The following PPFIA2 variants were observed in gnomAD, a reference collection of about 807,000 sequenced individuals.
PPFIA2 encodes liprin-alpha-2.
PPFIA2 carries 46 observed loss-of-function variants against 175.5 expected under a neutral mutation model. The observed-to-expected ratio is 0.26, with a 90% CI of 0.21 to 0.34. The LOEUF is 0.34. Ranked by LOEUF, PPFIA2 falls within the 10% of genes least tolerant of loss-of-function variation. The pLI, the probability that PPFIA2 is intolerant of heterozygous loss-of-function variation, is 1.00. For missense variants in PPFIA2, 1,179 were observed against 1,506.1 expected (o/e 0.78, Z 3.60); for synonymous variants, 568 against 511.4 (o/e 1.11, Z -1.49).
intron 4 of PPFIA2, among the ~76,000 whole-genome samples, chr12:81,546,705 A>G (rs887652733): frequency 6.6e-6 from 1 of 151,980 alleles, no homozygotes; most frequent in Admixed American, 6.6e-5. Context: ...TGTGCTATTT[A>G]TTATGCATTG....
chr12:81,310,400 A>T (rs1266192532), intron 22 of PPFIA2, among the ~76,000 whole-genome samples: 2 of 152,126 alleles, frequency 1.3e-5, no homozygotes, highest in South Asian at 4.1e-4. Context: ...TAAAATGTTT[A>T]AGTTCGAGGA....
chr12:81,280,282 G>A (rs1428326028), intron 27 of PPFIA2, among the ~76,000 whole-genome samples: 1 of 152,036 alleles, frequency 6.6e-6, no homozygotes, highest in African/African-American at 2.4e-5. Flanking sequence ...TCTCCATCCA[G>A]CACTTTAATG....
intron 4 of PPFIA2, among the ~76,000 whole-genome samples, chr12:81,511,209 G>A (rs770340500): frequency 3.9e-5 from 6 of 151,934 alleles, no homozygotes; most frequent in Non-Finnish European, 7.4e-5. Flanking sequence ...CCATATCTGG[G>A]CATTTTCCAA....
In PPFIA2 at chr12:81,386,325, A is replaced by T. The variant is rs1037669583; in HGVS notation, c.763-2081T>A. ...TAAATAAATAAATAAATAAATAAGA[A>T]AAGAAAAGAAAGTATGGGCTGTATG... On this transcript the variant is annotated intron_variant, in intron 8 of 32. Coordinates refer to ENST00000549396, the MANE Select transcript of PPFIA2 (RefSeq NM_003625.5). Among the ~76,000 whole-genome samples, 46 of 149,296 alleles carry T rather than the reference A, an allele frequency of 3.1e-4. 1 individual carries two copies. The highest frequency in any genetic ancestry group is 1.1e-3 in the African/African-American group (45 of 40,154).
intron 28 of PPFIA2, among the ~76,000 whole-genome samples, chr12:81,274,896 T>TC (rs1565855182): frequency 6.6e-6 from 1 of 152,048 alleles, no homozygotes; most frequent in South Asian, 2.1e-4. Context: ...AGTTTTTTTT[T>TC]CCTCAGAGCT....
chr12:81,475,751 C>T (rs2057386465), intron 4 of PPFIA2, among the ~76,000 whole-genome samples: 1 of 152,164 alleles, frequency 6.6e-6, no homozygotes, highest in South Asian at 2.1e-4. Context: ...CTCCTTCTGT[C>T]GCCCAGGCTG....
At chr12:81,707,093 T>C (rs889436299) in intron 3 of PPFIA2, among the ~76,000 whole-genome samples, 1 of 152,158 alleles carries the variant, frequency 6.6e-6, no homozygotes, top group Non-Finnish European at 1.5e-5. Flanking sequence ...GGCATTACCA[T>C]TCAGGACATA....
chr12:81,396,370 C>G (rs2041136759), intron 8 of PPFIA2, among the ~76,000 whole-genome samples: 1 of 151,970 alleles, frequency 6.6e-6, no homozygotes, highest in Non-Finnish European at 1.5e-5. Context: ...TGCTATAATA[C>G]ATTACTATGT....
chr12:81,459,808 C>A (rs2054209954), intron 4 of PPFIA2, among the ~76,000 whole-genome samples: 2 of 152,040 alleles, frequency 1.3e-5, no homozygotes, highest in Non-Finnish European at 2.9e-5. Flanking sequence ...TAGCAACTTT[C>A]AGGCACTACT....
At chr12:81,541,347 C>T (rs1042869437) in intron 4 of PPFIA2, among the ~76,000 whole-genome samples, 3 of 151,892 alleles carry the variant, frequency 2.0e-5, no homozygotes, top group Non-Finnish European at 2.9e-5. Context: ...TGTTCATGGG[C>T]TCCTCCTCAA....
chr12:81,305,914 T>C (rs1227560850), intron 22 of PPFIA2, among the ~76,000 whole-genome samples: 1 of 152,202 alleles, frequency 6.6e-6, no homozygotes, highest in Non-Finnish European at 1.5e-5. Context: ...ACAGTATGTC[T>C]CCTCCTCATT....
chr12:81,301,316 T>C (rs955770126), intron 22 of PPFIA2, among the ~76,000 whole-genome samples: 2 of 152,156 alleles, frequency 1.3e-5, no homozygotes, highest in Admixed American at 1.3e-4. Context: ...GTCATAGGTT[T>C]GTGACATTAA....
intron 21 of PPFIA2, among the ~76,000 whole-genome samples, chr12:81,331,968 G>A (rs1419022454): frequency 6.6e-6 from 1 of 152,074 alleles, no homozygotes; most frequent in African/African-American, 2.4e-5. Flanking sequence ...TGTTTCTCAG[G>A]TGGCAAACAA....
At chr12:81,759,131 G>T (rs948565955) in intron 1 of PPFIA2, 149 bp downstream of exon 1, 4 of 151,346 alleles carry the variant, frequency 2.6e-5, no homozygotes, top group Middle Eastern at 3.2e-3. Flanking sequence ...CTTTTTCTCT[G>T]GAAAGGCAAA....
At position 81,612,618 on chromosome 12, in the gene PPFIA2, G is replaced by A. The variant is rs146011230; in HGVS notation, c.303+64173C>T. On this transcript the variant is annotated intron_variant, in intron 4 of 32. Coordinates refer to ENST00000549396, the MANE Select transcript of PPFIA2 (RefSeq NM_003625.5). ...TGAAGACATTTTTTAGACTCCACTG[G>A]GGTAACAGGATATACAGGCAAGTGA... 1.5e-3 allele frequency among the ~76,000 whole-genome samples: 223 copies of A among 152,202 alleles called. 4 individuals carry two copies. In the East Asian group the frequency reaches 0.034, roughly 23 times the overall value.
At chr12:81,278,739 C>T (rs2041269162) in intron 27 of PPFIA2, among the ~76,000 whole-genome samples, 1 of 152,116 alleles carries the variant, frequency 6.6e-6, no homozygotes, top group Non-Finnish European at 1.5e-5. Context: ...GGTTTAGTGA[C>T]ATTATGTATA....
At chr12:81,507,832 G>A (rs1475639864) in intron 4 of PPFIA2, among the ~76,000 whole-genome samples, 2 of 152,286 alleles carry the variant, frequency 1.3e-5, no homozygotes, top group East Asian at 3.9e-4. Flanking sequence ...AAAAATTTAT[G>A]AGAAACGGGA....
At chr12:81,572,423 T>C (rs2072723224) in intron 4 of PPFIA2, among the ~76,000 whole-genome samples, 1 of 152,058 alleles carries the variant, frequency 6.6e-6, no homozygotes, top group South Asian at 2.1e-4. Flanking sequence ...ATTGTTTTCA[T>C]TTTACATGTA....
intron 16 of PPFIA2, 129 bp downstream of exon 16, chr12:81,357,953 T>G: frequency 1.0e-6 from 1 of 971,740 alleles, no homozygotes; most frequent in African/African-American, 1.7e-5. Flanking sequence ...TTTTTAAAAA[T>G]GTCATACTCT....
Sources: gnomAD v4.1 joint callset for allele counts (sites outside exome capture counted in the v4.1 genomes callset) on GRCh38, gnomAD v4.1.1 for gene constraint, MANE v1.5 for transcripts, NCBI Gene and HGNC (gene_info 2026-07-23, HGNC 2026-07-21) for gene names.